The following SEMA6D variants were observed in gnomAD, a reference collection of about 807,000 sequenced individuals.
SEMA6D encodes semaphorin-6D.
In SEMA6D, 35 loss-of-function variants were observed where a neutral mutation model predicts 106.6. The ratio of observed to expected loss-of-function variants is 0.33; its 90% CI spans 0.25 to 0.44. The LOEUF (loss-of-function observed/expected upper bound fraction) is 0.44. Ranked by LOEUF, SEMA6D falls within the 20% of genes least tolerant of loss-of-function variation. SEMA6D has a pLI of 1.00. For missense variants in SEMA6D, 1,185 were observed against 1,345.9 expected (o/e 0.88, Z 1.87); for synonymous variants, 499 against 487.7 (o/e 1.02, Z -0.31).
chr15:47,342,875 T>A (rs769353826), intron 1 of SEMA6D, among the ~76,000 whole-genome samples: 8 of 152,140 alleles, frequency 5.3e-5, no homozygotes, highest in Non-Finnish European at 1.2e-4. Flanking sequence ...CACACCCAGC[T>A]AATTTTTTTG....
intron 1 of SEMA6D, among the ~76,000 whole-genome samples, chr15:47,365,858 C>T (rs1162663114): frequency 7.9e-6 from 1 of 126,244 alleles, no homozygotes; most frequent in African/African-American, 3.2e-5. Context: ...AAGACTCCAT[C>T]TCAAAGAAAG....
chr15:47,434,367 A>T (rs1046108362), intron 2 of SEMA6D, among the ~76,000 whole-genome samples: 1 of 152,082 alleles, frequency 6.6e-6, no homozygotes, highest in African/African-American at 2.4e-5. Context: ...CAGTAGGTTG[A>T]TGGTGATACA....
intron 1 of SEMA6D, among the ~76,000 whole-genome samples, chr15:47,275,881 G>A (rs2034782477): frequency 2.0e-5 from 3 of 152,158 alleles, no homozygotes; most frequent in Admixed American, 2.0e-4. Context: ...AGTTAATCAA[G>A]TGTCGAAAGC....
At chr15:47,651,878 T>C (rs904504764) in intron 4 of SEMA6D, among the ~76,000 whole-genome samples, 2 of 152,206 alleles carry the variant, frequency 1.3e-5, no homozygotes, top group Non-Finnish European at 2.9e-5. Flanking sequence ...AGCCCAGATA[T>C]ACCAGTCACT....
intron 3 of SEMA6D, among the ~76,000 whole-genome samples, chr15:47,536,362 T>C (rs1184051444): frequency 6.6e-6 from 1 of 152,190 alleles, no homozygotes; most frequent in Non-Finnish European, 1.5e-5. Context: ...CCAAATGCTA[T>C]TAAGAGGTGA....
intron 1 of SEMA6D, among the ~76,000 whole-genome samples, chr15:47,353,694 T>C (rs1017063315): frequency 1.3e-5 from 2 of 152,156 alleles, no homozygotes; most frequent in African/African-American, 4.8e-5. Context: ...TATATTAATC[T>C]TATCTTTGAG....
At chr15:47,465,077 C>T (rs2042618952) in intron 2 of SEMA6D, among the ~76,000 whole-genome samples, 1 of 152,186 alleles carries the variant, frequency 6.6e-6, no homozygotes, top group South Asian at 2.1e-4. Context: ...CACAGATACA[C>T]AACAACTAAA....
chr15:47,616,594 A>AG (rs2077011464), intron 4 of SEMA6D, among the ~76,000 whole-genome samples: 1 of 151,656 alleles, frequency 6.6e-6, no homozygotes, highest in South Asian at 2.1e-4. Context: ...AAAAAAAAAA[A>AG]AGATGATCCT....
chr15:47,201,741 T>G (rs1159095073), intron 1 of SEMA6D, among the ~76,000 whole-genome samples: 1 of 152,166 alleles, frequency 6.6e-6, no homozygotes, highest in East Asian at 1.9e-4. Flanking sequence ...AAACCAAGAT[T>G]GTGGAGTGTC....
At chr15:47,682,750 A>G (rs2078384375) in intron 4 of SEMA6D, among the ~76,000 whole-genome samples, 1 of 152,208 alleles carries the variant, frequency 6.6e-6, no homozygotes, top group African/African-American at 2.4e-5. Flanking sequence ...CTGCCAAGTA[A>G]TAATATTCTA....
chr15:47,519,282 C>T (rs1348053545), intron 3 of SEMA6D, among the ~76,000 whole-genome samples: 2 of 152,164 alleles, frequency 1.3e-5, no homozygotes, highest in Non-Finnish European at 2.9e-5. Context: ...ACACTGGCAT[C>T]ACCACAAACA....
chr15:47,224,612 T>C (rs1375791161), intron 1 of SEMA6D, among the ~76,000 whole-genome samples: 1 of 152,062 alleles, frequency 6.6e-6, no homozygotes, highest in Non-Finnish European at 1.5e-5. Flanking sequence ...AACTATACCT[T>C]ATACCTCATT....
chr15:47,410,009 C>T (rs1249365765), intron 1 of SEMA6D, among the ~76,000 whole-genome samples: 4 of 152,074 alleles, frequency 2.6e-5, no homozygotes, highest in Non-Finnish European at 4.4e-5. Context: ...TTTTTTTAAA[C>T]AGGGTCTGAC....
At chr15:47,642,914 C>T (rs569643916) in intron 4 of SEMA6D, among the ~76,000 whole-genome samples, 2 of 150,400 alleles carry the variant, frequency 1.3e-5, no homozygotes, top group Admixed American at 6.6e-5. Context: ...GAAGGAAATG[C>T]GGGAAGGGAT....
chr15:47,601,945 C>A (rs540946825), intron 4 of SEMA6D, among the ~76,000 whole-genome samples: 34 of 152,104 alleles, frequency 2.2e-4, no homozygotes, highest in Non-Finnish European at 3.8e-4. Context: ...TTAAAAATGT[C>A]TTTTAGATGC....
chr15:47,562,967 G>A (rs918049586), intron 3 of SEMA6D, among the ~76,000 whole-genome samples: 3 of 151,960 alleles, frequency 2.0e-5, no homozygotes, highest in African/African-American at 4.8e-5. Flanking sequence ...AACACAAGAT[G>A]GTATATCCAG....
At chr15:47,257,968 T>G (rs998566768) in intron 1 of SEMA6D, among the ~76,000 whole-genome samples, 1 of 152,226 alleles carries the variant, frequency 6.6e-6, no homozygotes, top group Non-Finnish European at 1.5e-5. Flanking sequence ...TCATTGTATT[T>G]TTATTGATTA....
intron 3 of SEMA6D, among the ~76,000 whole-genome samples, chr15:47,507,987 A>T (rs1314963665): frequency 6.6e-6 from 1 of 152,352 alleles, no homozygotes; most frequent in East Asian, 1.9e-4. Context: ...AGGAAAATGT[A>T]AAGAGATTTA....
At chr15:47,436,768 A>AAAAAAAAATATATATAT (rs1302309417) in intron 2 of SEMA6D, among the ~76,000 whole-genome samples, 2 of 125,402 alleles carry the variant, frequency 1.6e-5, no homozygotes, top group African/African-American at 6.1e-5. Flanking sequence ...TAAAAAAAAA[A>AAAAAAAAATATATATAT]ATATATATAT....
Sources: allele counts gnomAD v4.1 joint callset (sites outside exome capture counted in the v4.1 genomes callset), GRCh38; gene constraint gnomAD v4.1.1; transcripts MANE v1.5; gene names NCBI Gene and HGNC (gene_info 2026-07-23, HGNC 2026-07-21).